FRYL: variants seen among roughly 807,000 people sequenced by gnomAD.
FRYL encodes protein furry homolog-like.
FRYL carries 150 observed loss-of-function variants against 351.2 expected under a neutral mutation model. The ratio of observed to expected loss-of-function variants is 0.43; its 90% CI spans 0.37 to 0.49. FRYL has a LOEUF of 0.49. FRYL is among the 20% of genes least tolerant of loss of function. The pLI is 0.00. For synonymous variants in FRYL, 1,153 were observed against 1,257.1 expected (o/e 0.92, Z 1.75); for missense variants, 3,036 against 3,619.3 (o/e 0.84, Z 4.13).
chr4:48,731,122 GA>G (rs894273100), intron 1 of FRYL, among the ~76,000 whole-genome samples: 3 of 151,834 alleles, frequency 2.0e-5, no homozygotes, highest in Admixed American at 2.0e-4. Flanking sequence ...AAGAAACAAA[GA>G]AGGCCATTAC....
At chr4:48,684,564 T>C (rs1191316707) in intron 3 of FRYL, 109 bp downstream of exon 3, 1 of 152,252 alleles carries the variant, frequency 6.6e-6, no homozygotes, top group East Asian at 1.9e-4. Context: ...GTATAATAGT[T>C]ATAGGATCAA....
At chr4:48,656,051 A>G (rs1392770283) in intron 3 of FRYL, among the ~76,000 whole-genome samples, 8 of 137,506 alleles carry the variant, frequency 5.8e-5, no homozygotes, top group Admixed American at 3.8e-4. Context: ...TATGTAATGT[A>G]CATATAATTA....
chr4:48,511,781 G>A (rs1423945364), intron 57 of FRYL, among the ~76,000 whole-genome samples: 2 of 152,154 alleles, frequency 1.3e-5, no homozygotes, highest in Non-Finnish European at 2.9e-5. Context: ...GAAGGCTTCG[G>A]TAAGAAAATG....
intron 33 of FRYL, among the ~76,000 whole-genome samples, chr4:48,558,698 A>G (rs766941367): frequency 2.0e-5 from 3 of 152,236 alleles, no homozygotes; most frequent in South Asian, 2.1e-4. Context: ...TTTTGGTTCT[A>G]TATAGGGGAG....
At chr4:48,642,359 T>C (rs1755511228) in intron 3 of FRYL, among the ~76,000 whole-genome samples, 1 of 152,172 alleles carries the variant, frequency 6.6e-6, no homozygotes, top group African/African-American at 2.4e-5. Context: ...TTCTTTTGTG[T>C]ACCTAGAGAA....
chr4:48,771,926 A>T (rs1560381320), intron 1 of FRYL, among the ~76,000 whole-genome samples: 2 of 152,236 alleles, frequency 1.3e-5, no homozygotes, highest in Non-Finnish European at 2.9e-5. Flanking sequence ...ATAAAGTAAT[A>T]AGCAAATCAA....
At chr4:48,664,714 T>G (rs1232195325) in intron 3 of FRYL, among the ~76,000 whole-genome samples, 1 of 152,200 alleles carries the variant, frequency 6.6e-6, no homozygotes, top group Non-Finnish European at 1.5e-5. Context: ...AGGGGAAAAG[T>G]GAATTATTTT....
At chr4:48,577,576 T>C (rs1739906067) in intron 23 of FRYL, among the ~76,000 whole-genome samples, 1 of 152,054 alleles carries the variant, frequency 6.6e-6, no homozygotes, top group Non-Finnish European at 1.5e-5. Context: ...GTGCTAAGTT[T>C]GATGAAGAAA....
intron 1 of FRYL, among the ~76,000 whole-genome samples, chr4:48,742,696 C>T (rs1560342214): frequency 6.6e-6 from 1 of 152,106 alleles, no homozygotes; most frequent in Non-Finnish European, 1.5e-5. Flanking sequence ...CCATCACTAG[C>T]CCCCAAAAAA....
chr4:48,568,718 C>T (rs766983099), intron 27 of FRYL, among the ~76,000 whole-genome samples: 3 of 152,144 alleles, frequency 2.0e-5, no homozygotes, highest in Non-Finnish European at 2.9e-5. Context: ...CAATGTATGA[C>T]CTTTATTCCT....
At chr4:48,683,124 A>G (rs1764812600) in intron 3 of FRYL, among the ~76,000 whole-genome samples, 1 of 152,208 alleles carries the variant, frequency 6.6e-6, no homozygotes, top group Non-Finnish European at 1.5e-5. Context: ...TTGCACGGAC[A>G]TGGATGAAGC....
At chr4:48,605,879 G>C (rs1746682278) in intron 10 of FRYL, 46 bp from the exon 11 acceptor site, 1 of 1,157,460 alleles carries the variant, frequency 8.6e-7, no homozygotes, top group African/African-American at 1.6e-5. Flanking sequence ...AAGAGGAAAG[G>C]TTAAAGAATT....
intron 1 of FRYL, among the ~76,000 whole-genome samples, chr4:48,754,668 GT>G (rs1195942954): frequency 1.3e-4 from 19 of 142,224 alleles, no homozygotes; most frequent in African/African-American, 2.1e-4. Flanking sequence ...TTTTTTTGGG[GT>G]TTTTTTTTTT....
chr4:48,632,091 A>AATATATATATATATATATAT (rs1560753223), intron 4 of FRYL, among the ~76,000 whole-genome samples: 33 of 23,342 alleles, frequency 1.4e-3, no homozygotes, highest in Middle Eastern at 0.038. Context: ...AAAAAAAAAA[A>AATATATATATATATATATAT]ATATATATAT....
chr4:48,662,986 G>A (rs1209161801), intron 3 of FRYL, among the ~76,000 whole-genome samples: 1 of 152,032 alleles, frequency 6.6e-6, no homozygotes, highest in Non-Finnish European at 1.5e-5. Flanking sequence ...AAGTTCTTCA[G>A]GTGGAAAGAA....
chr4:48,589,383 T>G (rs1272665353), intron 18 of FRYL, among the ~76,000 whole-genome samples: 5 of 152,002 alleles, frequency 3.3e-5, no homozygotes, highest in African/African-American at 9.7e-5. Context: ...CAGGATTTTT[T>G]TTTTTTTTTT....
chr4:48,692,016 A>G (rs1175780185), intron 2 of FRYL, among the ~76,000 whole-genome samples: 1 of 152,210 alleles, frequency 6.6e-6, no homozygotes, highest in East Asian at 1.9e-4. Context: ...TTCCTCAGAG[A>G]AGAAAATAAA....
At chr4:48,559,339 CTGGAGGGAGATG>C (rs1734862797) in intron 33 of FRYL, among the ~76,000 whole-genome samples, 1 of 150,836 alleles carries the variant, frequency 6.6e-6, no homozygotes, top group South Asian at 2.1e-4. Context: ...GTTTGACTTC[CTGGAGGGAGATG>C]AGATGATAGG....
chr4:48,621,507 T>C (rs1329671623), intron 5 of FRYL, among the ~76,000 whole-genome samples: 4 of 152,176 alleles, frequency 2.6e-5, no homozygotes, highest in African/African-American at 9.6e-5. Context: ...ACTCTTTACC[T>C]TGAGGATCCC....
Sources: allele counts gnomAD v4.1 joint callset (sites outside exome capture counted in the v4.1 genomes callset), GRCh38; gene constraint gnomAD v4.1.1; transcripts MANE v1.5; gene names NCBI Gene and HGNC (gene_info 2026-07-23, HGNC 2026-07-21).